PCDHGA2: variants seen among roughly 807,000 people sequenced by gnomAD.
PCDHGA2 encodes the protein protocadherin gamma-A2.
PCDHGA2 carries 40 observed loss-of-function variants against 59.2 expected under a neutral mutation model. The ratio of observed to expected loss-of-function variants is 0.68; its 90% CI spans 0.52 to 0.88. PCDHGA2 has a LOEUF of 0.88. Ranked by LOEUF, PCDHGA2 falls within the 40% of genes least tolerant of loss-of-function variation. PCDHGA2 has a pLI of 0.00. For missense variants in PCDHGA2, 1,226 were observed against 1,204.0 expected, an observed-to-expected ratio of 1.02 and a Z score of -0.27; for synonymous variants, 560 against 526.0, an observed-to-expected ratio of 1.06 and a Z score of -0.89.
rs1362496624 is a variant in PCDHGA2, at chr5:141,432,370, C to T, written c.2425-62437C>T. On this transcript the variant is annotated intron_variant, in intron 1 of 3. Coordinates refer to ENST00000394576, the MANE Select transcript of PCDHGA2 (RefSeq NM_018915.4). This position sits in a 1 kb window ranked among gnomAD's most constrained non-coding sequence, Gnocchi z 6.0. ...AAGTGAAAGTGATGGCGCGGGACAA[C>T]GGGCACCCGCCCCTCAGCAGCAACG... The T allele has an allele frequency of 6.2e-7, 1 of 1,614,240 alleles. No individual in the cohort carries two copies. Among genetic ancestry groups the T allele is most frequent in the Non-Finnish European group, 8.5e-7 (1 of 1,180,048 alleles).
At chr5:141,366,010 T>A in intron 1 of PCDHGA2, 1 of 1,614,232 alleles carries the variant, frequency 6.2e-7, no homozygotes, top group South Asian at 1.1e-5. Context: ...ACAATACGCC[T>A]GAGATCCTGT....
chr5:141,500,184 T>TTTTATTTA (rs58019021), intron 2 of PCDHGA2, among the ~76,000 whole-genome samples: 1,392 of 135,954 alleles, frequency 0.01, 12 homozygotes, highest in South Asian at 0.02. Flanking sequence ...TCATTTTTAT[T>TTTTATTTA]TTTATTTATT....
At chr5:141,344,904 A>G (rs763373670) in intron 1 of PCDHGA2, 1 of 1,613,788 alleles carries the variant, frequency 6.2e-7, no homozygotes, top group African/African-American at 1.3e-5. Flanking sequence ...AATCGCTGAG[A>G]TTTTCCATCT....
In PCDHGA2 at chr5:141,493,550, T is replaced by C. The variant is rs978188511; in HGVS notation, c.2425-1257T>C. On this transcript the variant is annotated intron_variant, in intron 1 of 3. Coordinates refer to ENST00000394576, the MANE Select transcript of PCDHGA2 (RefSeq NM_018915.4). This position sits in a 1 kb window ranked among gnomAD's most constrained non-coding sequence, Gnocchi z 4.3. Reference sequence around the variant, plus strand: ...ACTTGGCCAGTTATCCTTTTGGAGATTGAGTTCCCCCAGCTCCGTTTCCTC... The same window carrying C: ...ACTTGGCCAGTTATCCTTTTGGAGACTGAGTTCCCCCAGCTCCGTTTCCTC... Among the ~76,000 whole-genome samples the C allele has an allele frequency of 1.3e-5, 2 of 152,172 alleles. No homozygotes were observed. The highest frequency in any genetic ancestry group is 2.4e-5 in the African/African-American group (1 of 41,430).
intron 1 of PCDHGA2, chr5:141,371,732 C>T: frequency 1.9e-6 from 3 of 1,614,046 alleles, no homozygotes; most frequent in Non-Finnish European, 2.5e-6. Flanking sequence ...TTGATGTCAA[C>T]GACAACGTTC....
Position 141,490,867 on chromosome 5 carries a change from C to G in PCDHGA2, c.2425-3940C>G. ...GGGGGTTCGAGACTCCGGCTCTCCC[C>G]CATTGCATGCCAACACATCTCTGCA... On this transcript the variant is annotated intron_variant, in intron 1 of 3. Coordinates refer to ENST00000394576, the MANE Select transcript of PCDHGA2 (RefSeq NM_018915.4). This position sits in a 1 kb window ranked among gnomAD's most constrained non-coding sequence, Gnocchi z 5.4. 6.2e-7 allele frequency: 1 copy of G among 1,613,912 alleles called. No individual in the cohort carries two copies. The highest frequency in any genetic ancestry group is 8.5e-7 in the Non-Finnish European group (1 of 1,179,936).
At chr5:141,411,846 T>C (rs962000304) in intron 1 of PCDHGA2, 1 of 151,734 alleles carries the variant, frequency 6.6e-6, no homozygotes, top group African/African-American at 2.4e-5. Context: ...GGTGACAGAG[T>C]GAGACCCTGT....
intron 1 of PCDHGA2, chr5:141,398,815 A>G (rs1369560562): frequency 6.2e-7 from 1 of 1,613,870 alleles, no homozygotes; most frequent in East Asian, 2.2e-5. Context: ...TGAGCTCCGG[A>G]TCCAGGTAAC....
At chr5:141,505,348 G>A (rs1414647950) in intron 2 of PCDHGA2, 45 bp from the exon 3 acceptor site, 1 of 1,613,358 alleles carries the variant, frequency 6.2e-7, no homozygotes, top group Admixed American at 1.7e-5. Context: ...GGCATGAGCT[G>A]TGCCGGCCTG....
rs200349213 is a variant in PCDHGA2 at position 141,425,728 on chromosome 5, GGAT to G, written c.2425-69077_2425-69075del. Among the ~76,000 whole-genome samples the G allele has an allele frequency of 9.8e-4, 149 of 152,196 alleles. 2 individuals carry two copies. In the East Asian group the frequency reaches 0.027, roughly 28 times the overall value. ...AAAATTTTCCCATACCACTTGATGG[GGAT>G]GTTTTCCCACAAGGTTTTTGTTCTA... On this transcript the variant is annotated intron_variant, in intron 1 of 3. Transcript: ENST00000394576.
intron 1 of PCDHGA2, among the ~76,000 whole-genome samples, chr5:141,469,522 C>T (rs1409427974): frequency 2.6e-5 from 4 of 152,088 alleles, no homozygotes; most frequent in African/African-American, 9.7e-5. Flanking sequence ...TTGCAGTGAG[C>T]CAAGATTGTG....
chr5:141,393,603 G>C, intron 1 of PCDHGA2: 1 of 1,613,928 alleles, frequency 6.2e-7, no homozygotes, highest in East Asian at 2.2e-5. Flanking sequence ...GCTGCTTACT[G>C]TAACAGCCAG....
intron 1 of PCDHGA2, chr5:141,399,640 G>A: frequency 6.2e-7 from 1 of 1,613,836 alleles, no homozygotes; most frequent in Non-Finnish European, 8.5e-7. Flanking sequence ...GTCCATGAGC[G>A]CGCAAAGTGG....
intron 1 of PCDHGA2, chr5:141,351,542 C>T (rs1758747155): frequency 1.2e-6 from 2 of 1,613,944 alleles, no homozygotes; most frequent in South Asian, 1.1e-5. Flanking sequence ...CAAACCAGCC[C>T]TTTCCTCCAG....
chr5:141,385,068 C>G, intron 1 of PCDHGA2: 1 of 1,614,206 alleles, frequency 6.2e-7, no homozygotes, highest in South Asian at 1.1e-5. Context: ...ACAAGTCACG[C>G]CTGCTGCAGG....
chr5:141,366,267 T>A (rs201030376), intron 1 of PCDHGA2: 49 of 1,613,514 alleles, frequency 3.0e-5, no homozygotes, highest in Non-Finnish European at 3.9e-5. Context: ...GTGGTGGCCG[T>A]CGAAGACCAT....
intron 1 of PCDHGA2, chr5:141,399,206 C>T (rs2093769623): frequency 1.2e-6 from 2 of 1,613,908 alleles, no homozygotes; most frequent in South Asian, 2.2e-5. Flanking sequence ...GTGCCTGGAA[C>T]ACTAATTGCT....
At chr5:141,418,899 T>C (rs1320380997) in intron 1 of PCDHGA2, 1 of 1,613,944 alleles carries the variant, frequency 6.2e-7, no homozygotes. Flanking sequence ...AGCCCAGAAA[T>C]AATCATCACG....
chr5:141,372,088 C>T (rs1768398605), intron 1 of PCDHGA2: 4 of 1,613,762 alleles, frequency 2.5e-6, no homozygotes, highest in Middle Eastern at 1.7e-4. Context: ...GTGCTGTACC[C>T]AGCTCTGGGG....
Sources: allele counts gnomAD v4.1 joint callset (sites outside exome capture counted in the v4.1 genomes callset), GRCh38; gene constraint gnomAD v4.1.1; non-coding constraint Gnocchi (gnomAD v3.1); transcripts MANE v1.5; gene names NCBI Gene and HGNC (gene_info 2026-07-23, HGNC 2026-07-21).